Variants in FAF1 observed in about 807,000 individuals in gnomAD.
FAF1 encodes FAS-associated factor 1.
FAF1 carries 25 observed loss-of-function variants against 92.5 expected under a neutral mutation model. That is an observed-to-expected ratio of 0.27 (90% confidence interval 0.20 to 0.38). The LOEUF is 0.38. Among genes scored for constraint, FAF1 ranks in the 10% least tolerant of loss-of-function variants. The pLI, the probability that FAF1 is intolerant of heterozygous loss-of-function variation, is 1.00. For missense variants in FAF1, 636 were observed against 793.3 expected (o/e 0.80, Z 2.38); for synonymous variants, 234 against 273.2 (o/e 0.86, Z 1.42).
At chr1:50,730,662 G>C (rs886809674) in intron 6 of FAF1, among the ~76,000 whole-genome samples, 11 of 152,144 alleles carry the variant, frequency 7.2e-5, no homozygotes, top group African/African-American at 1.9e-4. Context: ...CGCTACTCTT[G>C]ACAGAGTTTC....
chr1:50,652,210 T>A (rs1209038654), intron 8 of FAF1, among the ~76,000 whole-genome samples: 1 of 152,200 alleles, frequency 6.6e-6, no homozygotes, highest in Non-Finnish European at 1.5e-5. Flanking sequence ...CCAAGTAGTA[T>A]TACAGTCTTG....
At chr1:50,909,425 T>C (rs1411652819) in intron 1 of FAF1, among the ~76,000 whole-genome samples, 1 of 152,240 alleles carries the variant, frequency 6.6e-6, no homozygotes, top group Non-Finnish European at 1.5e-5. Context: ...TTGGCCTGCC[T>C]TGCTAGGTTG....
chr1:50,878,285 T>TA (rs1463515325), intron 1 of FAF1, among the ~76,000 whole-genome samples: 1 of 152,198 alleles, frequency 6.6e-6, no homozygotes, highest in East Asian at 1.9e-4. Flanking sequence ...TTTGATGAGT[T>TA]ACAGTGTTGT....
At chr1:50,857,552 T>G (rs1450832798) in intron 2 of FAF1, among the ~76,000 whole-genome samples, 1 of 151,748 alleles carries the variant, frequency 6.6e-6, no homozygotes, top group East Asian at 1.9e-4. Flanking sequence ...CTTTAACAGC[T>G]TTAGAAAAGA....
At chr1:50,849,514 T>A (rs1207718967) in intron 2 of FAF1, among the ~76,000 whole-genome samples, 1 of 152,064 alleles carries the variant, frequency 6.6e-6, no homozygotes, top group African/African-American at 2.4e-5. Flanking sequence ...AAGAAAAAAA[T>A]AAGTCCCAAA....
intron 2 of FAF1, among the ~76,000 whole-genome samples, chr1:50,833,871 C>A (rs867772440): frequency 2.0e-5 from 3 of 152,210 alleles, no homozygotes; most frequent in Middle Eastern, 3.2e-3. Flanking sequence ...ACAATTATTT[C>A]TCCTTTTCCA....
Position 50,481,452 on chromosome 1 carries a change from C to T in FAF1, c.1654-5773G>A, listed in dbSNP as rs568424378. ...TATACAAACACTTACCATTGTATTA[C>T]AGTTGCCTGCAGTATTCAATACAGT... On this transcript the variant is annotated intron_variant, in intron 17 of 18. Transcript: ENST00000396153. Among the ~76,000 whole-genome samples the T allele has an allele frequency of 1.1e-4, 17 of 152,314 alleles. 1 individual carries two copies. The South Asian group carries it at 3.5e-3, about 32-fold the overall frequency.
At chr1:50,734,755 G>T (rs1479798685) in intron 6 of FAF1, among the ~76,000 whole-genome samples, 1 of 150,250 alleles carries the variant, frequency 6.7e-6, no homozygotes, top group South Asian at 2.1e-4. Flanking sequence ...AAAAGAAAAA[G>T]AAAAACACAT....
chr1:50,936,459 G>A (rs1645085941), intron 1 of FAF1, among the ~76,000 whole-genome samples: 1 of 152,106 alleles, frequency 6.6e-6, no homozygotes, highest in African/African-American at 2.4e-5. Flanking sequence ...GCAAAACTAA[G>A]AGTCAGGAGA....
At chr1:50,653,338 TTAAAAA>T (rs1162445683) in intron 8 of FAF1, among the ~76,000 whole-genome samples, 2 of 152,194 alleles carry the variant, frequency 1.3e-5, no homozygotes, top group African/African-American at 4.8e-5. Context: ...GAAGTGTTTA[TTAAAAA>T]TAAAGGGGCT....
chr1:50,926,115 A>G (rs546675626), intron 1 of FAF1, among the ~76,000 whole-genome samples: 1 of 152,168 alleles, frequency 6.6e-6, no homozygotes, highest in African/African-American at 2.4e-5. Context: ...TACTCGGGAG[A>G]CTGAGGGGGG....
chr1:50,958,828 A>T (rs1480545413), intron 1 of FAF1, among the ~76,000 whole-genome samples: 2 of 152,240 alleles, frequency 1.3e-5, no homozygotes, highest in African/African-American at 2.4e-5. Context: ...AAAAAGAGGG[A>T]AAAGTCTGCC....
At chr1:50,602,180 T>G (rs1652170408) in intron 8 of FAF1, among the ~76,000 whole-genome samples, 1 of 152,226 alleles carries the variant, frequency 6.6e-6, no homozygotes, top group African/African-American at 2.4e-5. Context: ...GTTTTTATCT[T>G]TTATTCACTC....
chr1:50,711,099 G>A (rs1657907640), intron 6 of FAF1, among the ~76,000 whole-genome samples: 1 of 151,424 alleles, frequency 6.6e-6, no homozygotes, highest in Non-Finnish European at 1.5e-5. Context: ...TAGTAGAGAC[G>A]GGGTTTCACC....
chr1:50,749,374 C>T (rs2124506591), intron 4 of FAF1, among the ~76,000 whole-genome samples: 1 of 152,144 alleles, frequency 6.6e-6, no homozygotes, highest in East Asian at 1.9e-4. Context: ...ACTTAAAGTC[C>T]CAGTTACTCT....
chr1:50,676,841 A>AT (rs1221575933), intron 7 of FAF1, among the ~76,000 whole-genome samples: 2 of 152,086 alleles, frequency 1.3e-5, no homozygotes, highest in Admixed American at 1.3e-4. Context: ...ATGCATATAT[A>AT]TTTTTTTCAA....
intron 3 of FAF1, among the ~76,000 whole-genome samples, chr1:50,795,134 C>T (rs978579272): frequency 6.6e-6 from 1 of 152,086 alleles, no homozygotes; most frequent in African/African-American, 2.4e-5. Context: ...ATGGACTGCC[C>T]CTCACCAAGG....
intron 7 of FAF1, among the ~76,000 whole-genome samples, chr1:50,682,237 C>T (rs556022637): frequency 6.6e-6 from 1 of 152,238 alleles, no homozygotes; most frequent in South Asian, 2.1e-4. Flanking sequence ...GCAGTCCTCA[C>T]ATCAGTAATC....
intron 1 of FAF1, among the ~76,000 whole-genome samples, chr1:50,868,862 TTCTA>T (rs1254595851): frequency 1.3e-5 from 2 of 152,214 alleles, no homozygotes; most frequent in Middle Eastern, 3.2e-3. Flanking sequence ...TAAATGTGTA[TTCTA>T]TCTGTTATTG....
Sources: allele counts gnomAD v4.1 joint callset (sites outside exome capture counted in the v4.1 genomes callset), GRCh38; gene constraint gnomAD v4.1.1; transcripts MANE v1.5; gene names NCBI Gene and HGNC (gene_info 2026-07-23, HGNC 2026-07-21).